Variants in GRXCR2 observed in about 807,000 individuals in gnomAD.
GRXCR2 encodes the protein glutaredoxin and cysteine rich domain containing 2.
GRXCR2 carries 23 observed loss-of-function variants against 24.8 expected under a neutral mutation model. The ratio of observed to expected loss-of-function variants is 0.93; its 90% CI spans 0.67 to 1.32. The LOEUF (loss-of-function observed/expected upper bound fraction) is 1.32. Among genes scored for constraint, GRXCR2 ranks in the 40% most tolerant of loss-of-function variants. GRXCR2 has a pLI of 0.00. For missense variants in GRXCR2, 315 were observed against 303.4 expected, an observed-to-expected ratio of 1.04 and a Z score of -0.28; for synonymous variants, 130 against 116.1, an observed-to-expected ratio of 1.12 and a Z score of -0.77.
At chr5:145,908,933 A>G (rs1757125906) in intron 2 of GRXCR2, among the ~76,000 whole-genome samples, 1 of 152,206 alleles carries the variant, frequency 6.6e-6, no homozygotes, top group Non-Finnish European at 1.5e-5. Context: ...CTGCATCTGG[A>G]AGATGCGGGT....
chr5:145,922,939 G>A (rs571081418), intron 2 of GRXCR2, among the ~76,000 whole-genome samples: 47 of 152,328 alleles, frequency 3.1e-4, no homozygotes, highest in South Asian at 6.2e-4. Context: ...AATTATAAAA[G>A]CGGTGCAAGC....
chr5:145,877,272 CA>C (rs530837803), upstream of GRXCR2, among the ~76,000 whole-genome samples: 513 of 142,956 alleles, frequency 3.6e-3, 1 homozygote, highest in Non-Finnish European at 6.1e-3. Flanking sequence ...AAAAGGTTAA[CA>C]AAAAAAAGGA....
chr5:145,928,563 C>A (rs1757433186), intron 2 of GRXCR2, among the ~76,000 whole-genome samples: 1 of 152,224 alleles, frequency 6.6e-6, no homozygotes, highest in Non-Finnish European at 1.5e-5. Context: ...CTGTGGAATA[C>A]TATGCAGCCA....
chr5:145,925,539 C>G (rs527708267), intron 2 of GRXCR2, among the ~76,000 whole-genome samples: 1 of 152,212 alleles, frequency 6.6e-6, no homozygotes, highest in East Asian at 1.9e-4. Context: ...AAGCTTTCTC[C>G]CTAGGAATGC....
chr5:145,915,747 GGAA>G (rs773667587), intron 2 of GRXCR2, among the ~76,000 whole-genome samples: 9 of 123,276 alleles, frequency 7.3e-5, no homozygotes, highest in South Asian at 2.6e-4. Context: ...AAAAAAAAAA[GGAA>G]GAAGAAGGTA....
intron 1 of GRXCR2, among the ~76,000 whole-genome samples, chr5:145,870,085 A>G (rs1219890270): frequency 6.6e-6 from 1 of 152,200 alleles, no homozygotes; most frequent in Non-Finnish European, 1.5e-5. Context: ...TGTACATAAC[A>G]TAGAATTTAC....
chr5:145,899,110 A>G (rs1756990967), intron 2 of GRXCR2, among the ~76,000 whole-genome samples: 1 of 152,178 alleles, frequency 6.6e-6, no homozygotes, highest in Non-Finnish European at 1.5e-5. Flanking sequence ...TCTATGCACC[A>G]GTAATGTTCA....
chr5:145,931,223 G>A (rs1037122619), intron 2 of GRXCR2, among the ~76,000 whole-genome samples: 5 of 152,036 alleles, frequency 3.3e-5, no homozygotes, highest in Admixed American at 6.5e-5. Flanking sequence ...GTAGAGACAG[G>A]ATTTTGCCAT....
At chr5:145,891,523 G>T (rs545402662) in intron 2 of GRXCR2, among the ~76,000 whole-genome samples, 1 of 152,346 alleles carries the variant, frequency 6.6e-6, no homozygotes, top group African/African-American at 2.4e-5. Context: ...CGCCCACGGA[G>T]CCTTGCTCAC....
intron 2 of GRXCR2, among the ~76,000 whole-genome samples, chr5:145,891,308 C>A (rs1433570020): frequency 1.3e-5 from 2 of 152,112 alleles, no homozygotes; most frequent in Non-Finnish European, 2.9e-5. Context: ...GTTCAGCACA[C>A]CGAGCATGAG....
In GRXCR2 at chr5:145,872,921, G is replaced by A; in HGVS notation, c.48C>T (p.Pro16=). The A allele has an allele frequency of 6.2e-7, 1 of 1,614,172 alleles. No homozygotes were observed. The highest frequency in any genetic ancestry group is 8.5e-7 in the Non-Finnish European group (1 of 1,180,018). ...AGGAGATTTTAAATCGTACTTTCCG[G>A]GGTTTGCCATCACTCTTCTGATTCA... ...KKLNQKSDGK[P]RKVRFKISSS... Residue 16 remains proline, a synonymous_variant, in exon 1 of 3, where the codon CCC becomes CCT. Coordinates refer to ENST00000377976, the MANE Select transcript of GRXCR2 (RefSeq NM_001080516.2).
intron 2 of GRXCR2, among the ~76,000 whole-genome samples, chr5:145,915,688 C>T (rs1757227264): frequency 6.6e-6 from 1 of 151,194 alleles, no homozygotes. Flanking sequence ...GAGCCCAGAT[C>T]ATACCACTGC....
rs1420517782 is a variant in GRXCR2 at position 145,872,622 on chromosome 5, A to G, written c.336+11T>C. Reference sequence around the variant, plus strand: ...TACCCTTAAAGCCTATATGCCATGCACAATACCAACCTTATGGTCATTCGC... The same window carrying G: ...TACCCTTAAAGCCTATATGCCATGCGCAATACCAACCTTATGGTCATTCGC... On this transcript the variant is annotated intron_variant, in intron 1 of 2. Coordinates refer to ENST00000377976, the MANE Select transcript of GRXCR2 (RefSeq NM_001080516.2). 3 of 1,577,258 alleles carry G rather than the reference A, an allele frequency of 1.9e-6. No homozygotes were observed. In the East Asian group the frequency reaches 6.8e-5, roughly 35 times the overall value.
chr5:145,901,268 A>G (rs1757019033), intron 2 of GRXCR2, among the ~76,000 whole-genome samples: 1 of 152,132 alleles, frequency 6.6e-6, no homozygotes, highest in Non-Finnish European at 1.5e-5. Context: ...ACCCAAGTAT[A>G]TTATGCACAT....
chr5:145,870,789 T>C (rs1445703382), intron 1 of GRXCR2, among the ~76,000 whole-genome samples: 1 of 152,134 alleles, frequency 6.6e-6, no homozygotes, highest in Non-Finnish European at 1.5e-5. Context: ...TGGCTATGAT[T>C]GGGATGGGGC....
At chr5:145,911,582 G>A (rs995734365) in intron 2 of GRXCR2, among the ~76,000 whole-genome samples, 3 of 152,212 alleles carry the variant, frequency 2.0e-5, no homozygotes, top group Admixed American at 6.5e-5. Context: ...ATGAACTTGA[G>A]TCCCCAAATT....
At chr5:145,869,210 G>A (rs897192219) in intron 1 of GRXCR2, among the ~76,000 whole-genome samples, 1 of 152,210 alleles carries the variant, frequency 6.6e-6, no homozygotes, top group African/African-American at 2.4e-5. Context: ...ACAACTGTAT[G>A]AGGTTTGCAA....
At chr5:145,884,272 G>C (rs1030197299) in intron 2 of GRXCR2, among the ~76,000 whole-genome samples, 9 of 152,014 alleles carry the variant, frequency 5.9e-5, no homozygotes, top group African/African-American at 2.2e-4. Flanking sequence ...CAAGACACAG[G>C]TCTCATCAAA....
intron 2 of GRXCR2, among the ~76,000 whole-genome samples, chr5:145,886,120 A>G (rs1756776225): frequency 1.3e-5 from 2 of 152,240 alleles, no homozygotes; most frequent in Non-Finnish European, 2.9e-5. Flanking sequence ...ATCATATTCT[A>G]GAATCCATAA....
Sources: gnomAD v4.1 joint callset for allele counts (sites outside exome capture counted in the v4.1 genomes callset) on GRCh38, gnomAD v4.1.1 for gene constraint, MANE v1.5 for transcripts, NCBI Gene and HGNC (gene_info 2026-07-23, HGNC 2026-07-21) for gene names.